ACAD8: variants seen among roughly 807,000 people sequenced by gnomAD.
ACAD8 encodes the protein acyl-CoA dehydrogenase family member 8, also known as isobutyryl-CoA dehydrogenase, mitochondrial.
A neutral mutation model predicts 53.1 loss-of-function variants in ACAD8; 47 were observed. The observed-to-expected ratio is 0.89, with a 90% CI of 0.70 to 1.13. ACAD8 has a LOEUF of 1.13. ACAD8 is among the 50% of genes most tolerant of loss of function. The pLI is 0.00. For missense variants in ACAD8, 494 were observed against 535.0 expected (o/e 0.92, Z 0.76); for synonymous variants, 198 against 201.3 (o/e 0.98, Z 0.14).
intron 4 of ACAD8, 39 bp from the exon 5 acceptor site, chr11:134,258,969 T>C: frequency 6.4e-7 from 1 of 1,561,670 alleles, no homozygotes; most frequent in African/African-American, 1.4e-5. Context: ...CTCACTGACT[T>C]TCTCACCTTC....
intron 10 of ACAD8, 199 bp downstream of exon 10, chr11:134,262,821 G>A (rs1159349495): frequency 4.8e-6 from 7 of 1,464,540 alleles, no homozygotes; most frequent in Non-Finnish European, 6.4e-6. Flanking sequence ...GTCCCTTTCG[G>A]GGGGCCTCAG....
At chr11:134,253,836 C>A (rs933378154) in intron 1 of ACAD8, 127 bp downstream of exon 1, 6 of 1,033,602 alleles carry the variant, frequency 5.8e-6, no homozygotes, top group South Asian at 1.4e-5. Flanking sequence ...GGCCAGTCAC[C>A]CCCCCGGCCT....
intron 10 of ACAD8, chr11:134,263,018 T>C: frequency 8.4e-7 from 1 of 1,188,358 alleles, no homozygotes; most frequent in Non-Finnish European, 1.1e-6. Context: ...TCAGTAGCTC[T>C]ATATTGATTA....
chr11:134,262,075 G>C, intron 9 of ACAD8, 185 bp downstream of exon 9: 1 of 733,016 alleles, frequency 1.4e-6, no homozygotes, highest in South Asian at 1.5e-5. Flanking sequence ...TGGCTTTTAG[G>C]CCTGCTGCAT....
At chr11:134,254,026 C>T (rs1156430548) in intron 1 of ACAD8, among the ~76,000 whole-genome samples, 4 of 151,072 alleles carry the variant, frequency 2.6e-5, no homozygotes, top group African/African-American at 4.9e-5. Flanking sequence ...GGTCACCCCC[C>T]GCAGGTTCCC....
intron 6 of ACAD8, 49 bp downstream of exon 6, chr11:134,259,794 C>T: frequency 6.2e-7 from 1 of 1,613,798 alleles, no homozygotes; most frequent in Non-Finnish European, 8.5e-7. Flanking sequence ...GACTCTGCCA[C>T]CTGCCAGCCC....
At chr11:134,259,848 C>A in intron 6 of ACAD8, 103 bp downstream of exon 6, 1 of 1,584,450 alleles carries the variant, frequency 6.3e-7, no homozygotes, top group Non-Finnish European at 8.6e-7. Context: ...TACTTGCTAA[C>A]CTACCTTTGA....
chr11:134,258,706 C>T, intron 4 of ACAD8, 82 bp downstream of exon 4: 1 of 1,049,192 alleles, frequency 9.5e-7, no homozygotes, highest in Non-Finnish European at 1.4e-6. Flanking sequence ...TCCTTCCAGC[C>T]TCTTGACATG....
intron 1 of ACAD8, among the ~76,000 whole-genome samples, chr11:134,255,539 C>G (rs893165965): frequency 9.9e-5 from 15 of 152,154 alleles, no homozygotes; most frequent in South Asian, 6.2e-4. Context: ...TAACAGCAAC[C>G]CTTGTACAAA....
chr11:134,262,491 C>T, intron 9 of ACAD8, 29 bp from the exon 10 acceptor site: 2 of 1,519,150 alleles, frequency 1.3e-6, no homozygotes, highest in Non-Finnish European at 1.8e-6. Context: ...TCCCAGAGTC[C>T]AAGACGTCTA....
chr11:134,259,022 G>A lies in ACAD8; in HGVS notation c.505G>A (p.Ala169Thr). Residue 169 changes from alanine (A) to threonine (T), a missense_variant, in exon 5 of 11, where the codon GCT becomes ACT. By Grantham distance (58) the Ala-to-Thr change is moderately conservative. Transcript: ENST00000281182. ...TCCCTCCTCAGGAAGTGGGAGTGAT[G>A]CTGCCTCTCTTCTGACCTCCGCTAA... ...CLTEPGSGSDAASLLTSAKKQ... is the reference protein window; with the variant it reads ...CLTEPGSGSDTASLLTSAKKQ... 1 of 1,614,066 alleles carries A rather than the reference G, an allele frequency of 6.2e-7. No individual in the cohort carries two copies. The highest frequency in any genetic ancestry group is 2.2e-5 in the East Asian group (1 of 44,866).
intron 6 of ACAD8, chr11:134,260,353 CA>C (rs1939809375): frequency 4.1e-6 from 1 of 246,848 alleles, no homozygotes; most frequent in Non-Finnish European, 7.0e-6. Flanking sequence ...ATGCTCAAAG[CA>C]GTCATCTCTC....
At chr11:134,253,741 T>A in intron 1 of ACAD8, 32 bp downstream of exon 1, 2 of 1,556,358 alleles carry the variant, frequency 1.3e-6, no homozygotes, top group Non-Finnish European at 1.7e-6. Flanking sequence ...GTAGGACAGG[T>A]GTCCAGAACC....
intron 1 of ACAD8, among the ~76,000 whole-genome samples, chr11:134,256,177 G>A (rs1939518787): frequency 6.6e-6 from 1 of 152,252 alleles, no homozygotes; most frequent in African/African-American, 2.4e-5. Context: ...GAAGTGCTGG[G>A]ATTATAGGCG....
At chr11:134,257,337 T>C in intron 3 of ACAD8, 80 bp downstream of exon 3, 1 of 1,544,028 alleles carries the variant, frequency 6.5e-7, no homozygotes, top group Non-Finnish European at 8.9e-7. Context: ...GGAAAAAGAT[T>C]GATCTTTTGA....
chr11:134,263,668 A>T (rs1940031745), intron 10 of ACAD8: 2 of 985,458 alleles, frequency 2.0e-6, no homozygotes, highest in Non-Finnish European at 1.2e-6. Context: ...TACTCTTGGA[A>T]TTGCTTTCTC....
intron 10 of ACAD8, among the ~76,000 whole-genome samples, chr11:134,264,448 G>GCC (rs1433885041): frequency 6.6e-6 from 1 of 152,184 alleles, no homozygotes; most frequent in African/African-American, 2.4e-5. Context: ...AACCTGGGGG[G>GCC]CGGAGGTTGC....
chr11:134,259,382 A>G (rs953276903), intron 5 of ACAD8: 4 of 615,088 alleles, frequency 6.5e-6, no homozygotes, highest in Middle Eastern at 4.1e-4. Flanking sequence ...ATTGGACCTT[A>G]TTGTCAGTCT....
Position 134,261,669 on chromosome 11 carries a change from G to T in ACAD8, c.940-69G>T. ...AAAGGCGCCTCCGAGATGTCTTACC[G>T]AGGCTCCTGCACCAGGTGCTGGTCT... On this transcript the variant is annotated intron_variant, in intron 8 of 10. Transcript: ENST00000281182. This position sits in a 1 kb window ranked among gnomAD's most constrained non-coding sequence, Gnocchi z 4.2. 4 of 1,606,422 alleles carry T rather than the reference G, an allele frequency of 2.5e-6. No individual in the cohort carries two copies. Among genetic ancestry groups the T allele is most frequent in the Non-Finnish European group, 3.4e-6 (4 of 1,179,608 alleles).
Sources: allele counts gnomAD v4.1 joint callset (sites outside exome capture counted in the v4.1 genomes callset), GRCh38; gene constraint gnomAD v4.1.1; non-coding constraint Gnocchi (gnomAD v3.1); transcripts MANE v1.5; gene names NCBI Gene and HGNC (gene_info 2026-07-23, HGNC 2026-07-21).